The following SHROOM3 variants were observed in gnomAD, a reference collection of about 807,000 sequenced individuals.
SHROOM3 encodes the protein protein Shroom3.
Under a neutral mutation model 138.6 loss-of-function variants are expected in SHROOM3, and 47 were observed. The observed-to-expected ratio is 0.34, with a 90% CI of 0.27 to 0.43. The LOEUF is 0.43. Ranked by LOEUF, SHROOM3 falls within the 20% of genes least tolerant of loss-of-function variation. SHROOM3 has a pLI of 1.00. For missense variants in SHROOM3, 2,491 were observed against 2,596.5 expected (o/e 0.96, Z 0.88); for synonymous variants, 1,062 against 1,063.3 (o/e 1.00, Z 0.02).
At chr4:76,689,599 G>T in intron 2 of SHROOM3, 2 of 985,132 alleles carry the variant, frequency 2.0e-6, no homozygotes, top group Middle Eastern at 5.2e-4. Context: ...CCCCGCCGGC[G>T]ATGCCGCGCG....
At chr4:76,468,654 G>A (rs1452665112) in intron 1 of SHROOM3, among the ~76,000 whole-genome samples, 1 of 151,782 alleles carries the variant, frequency 6.6e-6, no homozygotes, top group Non-Finnish European at 1.5e-5. Context: ...GCAAGATTAT[G>A]TTGTTAAAGC....
intron 3 of SHROOM3, among the ~76,000 whole-genome samples, chr4:76,718,908 A>T (rs1463456800): frequency 6.6e-6 from 1 of 151,986 alleles, no homozygotes; most frequent in Non-Finnish European, 1.5e-5. Context: ...TGGTATTTGG[A>T]CTCCTTTAAA....
chr4:76,641,797 G>C (rs1026904723), intron 2 of SHROOM3, among the ~76,000 whole-genome samples: 1 of 152,122 alleles, frequency 6.6e-6, no homozygotes, highest in Non-Finnish European at 1.5e-5. Flanking sequence ...ACCAAATGCA[G>C]AATTAGATTA....
At chr4:76,515,466 A>C (rs1381477529) in intron 1 of SHROOM3, among the ~76,000 whole-genome samples, 4 of 152,114 alleles carry the variant, frequency 2.6e-5, no homozygotes, top group Admixed American at 2.0e-4. Context: ...ACACAATAGA[A>C]ATTTCCATTG....
intron 2 of SHROOM3, among the ~76,000 whole-genome samples, chr4:76,607,209 ATT>A (rs973466019): frequency 2.0e-5 from 3 of 152,176 alleles, no homozygotes; most frequent in Admixed American, 6.5e-5. Context: ...CTAAAGCTTG[ATT>A]TAGTACATAT....
At chr4:76,611,581 A>T (rs1159989146) in intron 2 of SHROOM3, among the ~76,000 whole-genome samples, 2 of 152,078 alleles carry the variant, frequency 1.3e-5, no homozygotes, top group Non-Finnish European at 2.9e-5. Context: ...TACGTAGTGA[A>T]CTTTCTGGCT....
intron 2 of SHROOM3, among the ~76,000 whole-genome samples, chr4:76,676,422 T>C (rs2110100719): frequency 6.6e-6 from 1 of 152,284 alleles, no homozygotes; most frequent in South Asian, 2.1e-4. Flanking sequence ...GGAAGATTTT[T>C]GTTTTAATGG....
intron 2 of SHROOM3, among the ~76,000 whole-genome samples, chr4:76,705,278 C>T (rs1720018842): frequency 1.3e-5 from 2 of 151,980 alleles, no homozygotes; most frequent in South Asian, 4.2e-4. Context: ...AAGACCAGCT[C>T]AGGCAATGTA....
chr4:76,673,401 AT>A (rs534101032), intron 2 of SHROOM3, among the ~76,000 whole-genome samples: 6 of 150,548 alleles, frequency 4.0e-5, no homozygotes, highest in Admixed American at 6.6e-5. Flanking sequence ...AGAAAGAAAG[AT>A]TTTTTTTTTC....
intron 2 of SHROOM3, among the ~76,000 whole-genome samples, chr4:76,616,687 G>A (rs1734888846): frequency 6.6e-6 from 1 of 152,138 alleles, no homozygotes; most frequent in Non-Finnish European, 1.5e-5. Flanking sequence ...GTGGGGAAAG[G>A]GAGAGCTATT....
At chr4:76,689,550 C>G in intron 2 of SHROOM3, 1 of 984,308 alleles carries the variant, frequency 1.0e-6, no homozygotes, top group Non-Finnish European at 1.2e-6. Context: ...CGCGGTGGCG[C>G]AGGGCGCTGC....
rs147777597 is a variant in SHROOM3 at position 76,554,246 on chromosome 4, A to G, written c.169-1363A>G. ...AGACTGGCTTCTTTCACTTAGAAAT[A>G]TGCATTTTAAGTTTCCTTCATGTTG... is the stretch of plus-strand genomic sequence containing the variant. On this transcript the variant is annotated intron_variant, in intron 1 of 10. Coordinates refer to ENST00000296043, the MANE Select transcript of SHROOM3 (RefSeq NM_020859.4). 6.8e-4 allele frequency among the ~76,000 whole-genome samples: 103 copies of G among 152,038 alleles called. 3 individuals are homozygous for G. The East Asian group carries it at 0.019, about 28-fold the overall frequency.
intron 1 of SHROOM3, among the ~76,000 whole-genome samples, chr4:76,447,360 T>A (rs1456181413): frequency 6.6e-6 from 1 of 152,192 alleles, no homozygotes; most frequent in East Asian, 1.9e-4. Context: ...CTTTGAAAAG[T>A]TAAAATTTTT....
chr4:76,479,926 C>T (rs929278617), intron 1 of SHROOM3, among the ~76,000 whole-genome samples: 2 of 152,170 alleles, frequency 1.3e-5, no homozygotes, highest in Non-Finnish European at 2.9e-5. Flanking sequence ...CGAGCAACTG[C>T]TGAGAGATTT....
At chr4:76,695,220 C>T (rs746155657) in intron 2 of SHROOM3, among the ~76,000 whole-genome samples, 23 of 152,190 alleles carry the variant, frequency 1.5e-4, no homozygotes, top group Admixed American at 3.9e-4. Flanking sequence ...CAGCCCCTCA[C>T]AAGTCCACCT....
intron 4 of SHROOM3, among the ~76,000 whole-genome samples, chr4:76,738,084 C>G (rs1241104381): frequency 6.6e-6 from 1 of 151,976 alleles, no homozygotes; most frequent in East Asian, 1.9e-4. Flanking sequence ...CCGAAGAGCC[C>G]CTGTGATTAA....
At chr4:76,448,665 C>T (rs749465213) in intron 1 of SHROOM3, among the ~76,000 whole-genome samples, 5 of 152,194 alleles carry the variant, frequency 3.3e-5, no homozygotes, top group African/African-American at 7.2e-5. Context: ...CCTTTTCTAC[C>T]TCATGTTCCC....
intron 1 of SHROOM3, among the ~76,000 whole-genome samples, chr4:76,481,139 G>T (rs1469373136): frequency 1.3e-5 from 2 of 152,070 alleles, no homozygotes; most frequent in African/African-American, 4.8e-5. Context: ...GATCATAGCA[G>T]AACTGAAGGA....
At chr4:76,735,496 T>G (rs748494642) in intron 4 of SHROOM3, among the ~76,000 whole-genome samples, 4 of 151,956 alleles carry the variant, frequency 2.6e-5, no homozygotes, top group African/African-American at 4.8e-5. Flanking sequence ...CTGGTCTGAT[T>G]AGAGATATGT....
Sources: gnomAD v4.1 joint callset for allele counts (sites outside exome capture counted in the v4.1 genomes callset) on GRCh38, gnomAD v4.1.1 for gene constraint, MANE v1.5 for transcripts, NCBI Gene and HGNC (gene_info 2026-07-23, HGNC 2026-07-21) for gene names.